Variants in MARCHF1 observed in about 807,000 individuals in gnomAD.
MARCHF1 encodes the protein E3 ubiquitin-protein ligase MARCHF1.
Under a neutral mutation model 54.2 loss-of-function variants are expected in MARCHF1, and 40 were observed. The observed-to-expected ratio is 0.74, with a 90% CI of 0.57 to 0.96. The LOEUF is 0.96. Ranked by LOEUF, MARCHF1 falls within the 40% of genes least tolerant of loss-of-function variation. MARCHF1 has a pLI of 0.00. For synonymous variants in MARCHF1, 236 were observed against 236.3 expected (o/e 1.00, Z 0.01); for missense variants, 586 against 656.5 (o/e 0.89, Z 1.17).
chr4:163,993,218 T>G (rs1753001601), intron 2 of MARCHF1, among the ~76,000 whole-genome samples: 1 of 152,026 alleles, frequency 6.6e-6, no homozygotes, highest in South Asian at 2.1e-4. Context: ...GAAAAATAAT[T>G]AACATTTCTG....
intron 3 of MARCHF1, among the ~76,000 whole-genome samples, chr4:163,865,432 C>A (rs1177197215): frequency 6.6e-6 from 1 of 151,512 alleles, no homozygotes; most frequent in Non-Finnish European, 1.5e-5. Context: ...GTAATCCAAC[C>A]CAGGGATTTA....
intron 4 of MARCHF1, among the ~76,000 whole-genome samples, chr4:163,763,122 C>T (rs1338390813): frequency 6.6e-6 from 1 of 152,010 alleles, no homozygotes; most frequent in African/African-American, 2.4e-5. Context: ...AGTCAGGATG[C>T]AATTATTTTC....
intron 1 of MARCHF1, among the ~76,000 whole-genome samples, chr4:164,382,675 G>A (rs1024146736): frequency 6.6e-6 from 1 of 152,126 alleles, no homozygotes; most frequent in East Asian, 1.9e-4. Flanking sequence ...AGGTACCACC[G>A]CTTCCTTGTG....
chr4:163,953,051 A>G (rs1001568505), intron 3 of MARCHF1, among the ~76,000 whole-genome samples: 1 of 152,082 alleles, frequency 6.6e-6, no homozygotes, highest in East Asian at 1.9e-4. Context: ...GTGGTCATTC[A>G]CCTGCCATTT....
chr4:164,090,916 C>T (rs1755284357), intron 2 of MARCHF1, among the ~76,000 whole-genome samples: 1 of 152,132 alleles, frequency 6.6e-6, no homozygotes, highest in African/African-American at 2.4e-5. Context: ...AAGGTGAAGG[C>T]TGTTGTCTCC....
At chr4:163,834,683 A>T (rs566035446) in intron 4 of MARCHF1, among the ~76,000 whole-genome samples, 1 of 144,314 alleles carries the variant, frequency 6.9e-6, no homozygotes, top group Admixed American at 7.4e-5. Context: ...CATTCTCAGT[A>T]AACTATCGCA....
chr4:163,549,714 A>G (rs1489022249), intron 8 of MARCHF1, among the ~76,000 whole-genome samples: 1 of 151,438 alleles, frequency 6.6e-6, no homozygotes, highest in Non-Finnish European at 1.5e-5. Flanking sequence ...CCACTAAACA[A>G]TAGAAAGAAA....
chr4:163,920,971 A>G (rs2111362555), intron 3 of MARCHF1, among the ~76,000 whole-genome samples: 1 of 152,282 alleles, frequency 6.6e-6, no homozygotes, highest in Non-Finnish European at 1.5e-5. Flanking sequence ...AATTCAGAAA[A>G]TAAAACTTGT....
At chr4:164,147,151 A>G (rs1222785752) in intron 1 of MARCHF1, among the ~76,000 whole-genome samples, 3 of 152,150 alleles carry the variant, frequency 2.0e-5, no homozygotes, top group African/African-American at 4.8e-5. Context: ...TTAGAATGAC[A>G]ATCATTAAAA....
intron 1 of MARCHF1, among the ~76,000 whole-genome samples, chr4:164,360,896 T>C (rs1298044590): frequency 6.6e-6 from 1 of 152,100 alleles, no homozygotes; most frequent in Non-Finnish European, 1.5e-5. Context: ...ATTTCTATAC[T>C]ATTTCTAAAT....
intron 1 of MARCHF1, among the ~76,000 whole-genome samples, chr4:164,348,283 G>T (rs1730172301): frequency 6.6e-6 from 1 of 151,954 alleles, no homozygotes; most frequent in Non-Finnish European, 1.5e-5. Flanking sequence ...CTTTCTTTTG[G>T]GAGGAAGGAA....
chr4:163,586,027 C>T (rs1740401556), intron 7 of MARCHF1, 98 bp from the exon 8 acceptor site: 1 of 1,047,004 alleles, frequency 9.6e-7, no homozygotes, highest in East Asian at 2.7e-5. Flanking sequence ...TTATAAACCG[C>T]AACCTAAGAT....
At chr4:164,265,319 T>C (rs982292578) in intron 1 of MARCHF1, among the ~76,000 whole-genome samples, 1 of 152,164 alleles carries the variant, frequency 6.6e-6, no homozygotes, top group Non-Finnish European at 1.5e-5. Context: ...CAAAGCAGTG[T>C]AAATAAAAAT....
Position 163,817,878 on chromosome 4 carries a change from G to A in MARCHF1, c.111+36143C>T, listed in dbSNP as rs558644347. ...TCGCAAGGACAAAAAACCAAACACC[G>A]CATGTTCTCACTCATAGATGGGAAT... On this transcript the variant is annotated intron_variant, in intron 4 of 9. Transcript: ENST00000514618. Among the ~76,000 whole-genome samples the A allele has an allele frequency of 1.7e-3, 250 of 143,050 alleles. 1 individual carries two copies. Among genetic ancestry groups the A allele is most frequent in the African/African-American group, 6.2e-3 (235 of 38,172 alleles). The allele number at this position is 143,050 out of a possible 152,430, so 93.8% of individuals were successfully genotyped here.
At chr4:163,664,804 A>G (rs1021005835) in intron 5 of MARCHF1, among the ~76,000 whole-genome samples, 2 of 152,066 alleles carry the variant, frequency 1.3e-5, no homozygotes, top group Non-Finnish European at 1.5e-5. Context: ...TACAATAAAG[A>G]CATTCTATCA....
At chr4:163,655,142 A>C (rs1041147385) in intron 5 of MARCHF1, among the ~76,000 whole-genome samples, 16 of 151,676 alleles carry the variant, frequency 1.1e-4, no homozygotes, top group Admixed American at 5.3e-4. Context: ...AATGCTTAGC[A>C]TTTCAAATAC....
intron 2 of MARCHF1, among the ~76,000 whole-genome samples, chr4:164,019,849 A>G (rs1219345730): frequency 6.6e-6 from 1 of 152,220 alleles, no homozygotes; most frequent in Admixed American, 6.5e-5. Flanking sequence ...CCTGAGGCCT[A>G]ATTGTAAGGG....
At chr4:163,935,411 G>A (rs1295359982) in intron 3 of MARCHF1, among the ~76,000 whole-genome samples, 1 of 152,152 alleles carries the variant, frequency 6.6e-6, no homozygotes. Flanking sequence ...AATTATCTTA[G>A]CTAGATTTTC....
intron 4 of MARCHF1, among the ~76,000 whole-genome samples, chr4:163,838,876 C>T (rs899012088): frequency 4.6e-5 from 7 of 151,862 alleles, no homozygotes; most frequent in African/African-American, 1.2e-4. Flanking sequence ...CTAACAGCAC[C>T]GGTGATAAAA....
Sources: allele counts gnomAD v4.1 joint callset (sites outside exome capture counted in the v4.1 genomes callset), GRCh38; gene constraint gnomAD v4.1.1; transcripts MANE v1.5; gene names NCBI Gene and HGNC (gene_info 2026-07-23, HGNC 2026-07-21).